Variants in COQ5 observed in about 807,000 individuals in gnomAD.
The protein encoded by COQ5 is 2-methoxy-6-polyprenyl-1,4-benzoquinol methylase, mitochondrial.
A neutral mutation model predicts 40.5 loss-of-function variants in COQ5; 27 were observed. The ratio of observed to expected loss-of-function variants is 0.67; its 90% CI spans 0.49 to 0.92. The LOEUF (loss-of-function observed/expected upper bound fraction) is 0.92, where lower values mean the gene tolerates loss of function less well. Ranked by LOEUF, COQ5 falls within the 40% of genes least tolerant of loss-of-function variation. The pLI, the probability that COQ5 is intolerant of heterozygous loss-of-function variation, is 0.00. For synonymous variants in COQ5, 141 were observed against 150.0 expected (o/e 0.94, Z 0.44); for missense variants, 409 against 406.4 (o/e 1.01, Z -0.06).
At position 120,503,757 on chromosome 12, in the gene COQ5, G is replaced by T; in HGVS notation, c.*27C>A. The T allele has an allele frequency of 6.5e-7, 1 of 1,533,786 alleles. No homozygotes were observed. The highest frequency in any genetic ancestry group is 9.0e-7 in the Non-Finnish European group (1 of 1,106,996). On this transcript the variant is annotated 3_prime_UTR_variant, in exon 7 of 7. Coordinates refer to ENST00000288532, the MANE Select transcript of COQ5 (RefSeq NM_032314.4). ...TCCAGGCTTTCAACAGGATATGACTGGTTCATGCTCCATGATAGGAAAGGA... is the reference window on the plus strand; with the variant it reads ...TCCAGGCTTTCAACAGGATATGACTTGTTCATGCTCCATGATAGGAAAGGA...
At chr12:120,524,786 C>A (rs1311075194) in intron 1 of COQ5, among the ~76,000 whole-genome samples, 8 of 152,018 alleles carry the variant, frequency 5.3e-5, no homozygotes, top group African/African-American at 1.2e-4. Context: ...CTATTCTCAA[C>A]CTTCGGATTT....
chr12:120,512,786 G>A (rs1445789338), intron 3 of COQ5, among the ~76,000 whole-genome samples: 5 of 152,134 alleles, frequency 3.3e-5, no homozygotes, highest in Non-Finnish European at 7.4e-5. Flanking sequence ...GGCCAGGTGC[G>A]ATAGCCCACA....
intron 3 of COQ5, among the ~76,000 whole-genome samples, chr12:120,511,546 G>A (rs150987045): frequency 6.6e-6 from 1 of 152,126 alleles, no homozygotes; most frequent in Non-Finnish European, 1.5e-5. Flanking sequence ...AGAGACTCAG[G>A]AGGCTGAGGT....
At chr12:120,526,534 C>T (rs1011957987) in intron 1 of COQ5, 21 of 452,162 alleles carry the variant, frequency 4.6e-5, no homozygotes, top group Non-Finnish European at 8.9e-5. Flanking sequence ...AAAACTTTCA[C>T]ATTAAAGGAG....
chr12:120,510,522 C>T (rs1179635817), intron 3 of COQ5, among the ~76,000 whole-genome samples: 1 of 152,096 alleles, frequency 6.6e-6, no homozygotes, highest in East Asian at 1.9e-4. Context: ...TCATCTTGCC[C>T]AGGCTGGTCT....
intron 1 of COQ5, among the ~76,000 whole-genome samples, chr12:120,528,543 G>A (rs1031000592): frequency 6.6e-6 from 1 of 152,160 alleles, no homozygotes; most frequent in Non-Finnish European, 1.5e-5. Context: ...GGGCGCGGTG[G>A]CTCACGCCTG....
intron 1 of COQ5, among the ~76,000 whole-genome samples, chr12:120,524,644 A>G (rs1344499711): frequency 6.6e-6 from 1 of 152,164 alleles, no homozygotes; most frequent in Non-Finnish European, 1.5e-5. Flanking sequence ...TCTCCCTGCC[A>G]GAAGGCTGAA....
At chr12:120,508,753 T>TGGTG (rs1351393088) in intron 4 of COQ5, among the ~76,000 whole-genome samples, 1 of 151,988 alleles carries the variant, frequency 6.6e-6, no homozygotes, top group African/African-American at 2.4e-5. Flanking sequence ...TCCCCAGGCG[T>TGGTG]GGTGGCTCAC....
chr12:120,514,595 T>G (rs1869293364), intron 3 of COQ5, among the ~76,000 whole-genome samples: 1 of 151,508 alleles, frequency 6.6e-6, no homozygotes. Context: ...ACAAAAAAAT[T>G]AGCCGGGTAT....
At chr12:120,528,538 C>T (rs1870072100) in intron 1 of COQ5, among the ~76,000 whole-genome samples, 1 of 152,028 alleles carries the variant, frequency 6.6e-6, no homozygotes, top group Non-Finnish European at 1.5e-5. Context: ...TGGCTGGGCG[C>T]GGTGGCTCAC....
intron 5 of COQ5, 40 bp from the exon 6 acceptor site, chr12:120,504,121 G>T: frequency 1.7e-6 from 2 of 1,190,942 alleles, no homozygotes; most frequent in Non-Finnish European, 2.5e-6. Context: ...ATTAGAACAT[G>T]CCCCTCACTT....
intron 4 of COQ5, among the ~76,000 whole-genome samples, chr12:120,507,576 G>A (rs1007763708): frequency 4.8e-5 from 7 of 144,656 alleles, no homozygotes; most frequent in African/African-American, 7.5e-5. Context: ...GAGCCACCAC[G>A]CCCGGCCTCT....
intron 4 of COQ5, 156 bp downstream of exon 4, chr12:120,509,861 G>GGACT: frequency 1.5e-6 from 1 of 664,308 alleles, no homozygotes; most frequent in Non-Finnish European, 2.7e-6. Context: ...AGATGTGGAA[G>GGACT]GACTGCTTGA....
At chr12:120,525,438 G>T (rs868358431) in intron 1 of COQ5, among the ~76,000 whole-genome samples, 1 of 152,090 alleles carries the variant, frequency 6.6e-6, no homozygotes, top group Non-Finnish European at 1.5e-5. Flanking sequence ...GGGACACTAA[G>T]GCTAACCCCA....
intron 1 of COQ5, among the ~76,000 whole-genome samples, chr12:120,525,685 G>A (rs1869900930): frequency 6.6e-6 from 1 of 152,046 alleles, no homozygotes; most frequent in Admixed American, 6.6e-5. Context: ...AGAACTTTGG[G>A]AGGCTGAGGC....
chr12:120,525,937 T>A (rs10774554), intron 1 of COQ5, among the ~76,000 whole-genome samples: 4 of 151,862 alleles, frequency 2.6e-5, no homozygotes, highest in East Asian at 1.9e-4. Context: ...AAAAAATAAA[T>A]ATAAATAAAT....
intron 1 of COQ5, among the ~76,000 whole-genome samples, chr12:120,525,930 A>AAATG (rs1869919189): frequency 5.0e-5 from 1 of 20,182 alleles, no homozygotes; most frequent in African/African-American, 1.3e-4. Context: ...ATCTCCAAAA[A>AAATG]AATAAATATA....
rs145060344 is a variant in COQ5 at position 120,513,275 on chromosome 12, G to A, written c.575-3152C>T. On this transcript the variant is annotated intron_variant, in intron 3 of 6. Transcript: ENST00000288532. ...TCCCAGCACTTTGGGAGGCCGAGGC[G>A]GGCGGATCACAAGGTCAGGAGATCG... Among the ~76,000 whole-genome samples the A allele has an allele frequency of 2.4e-3, 352 of 149,640 alleles. 1 individual carries two copies. The highest frequency in any genetic ancestry group is 8.2e-3 in the African/African-American group (337 of 41,084).
In COQ5 at chr12:120,522,502, C is replaced by A. The variant is rs1175691449; in HGVS notation, c.203-139G>T. The A allele has an allele frequency of 5.2e-6, 4 of 767,952 alleles. No individual in the cohort carries two copies. In the African/African-American group the frequency reaches 7.0e-5, roughly 13 times the overall value. 47.6% of individuals were successfully genotyped at this position (767,952 alleles called of 1,614,324 possible). On this transcript the variant is annotated intron_variant, in intron 1 of 6. Coordinates refer to ENST00000288532, the MANE Select transcript of COQ5 (RefSeq NM_032314.4). The stretch of plus-strand genomic sequence containing the variant: ...AAACTAAGTCGTAATGCTTGATGCC[C>A]AAATCTACACCTTAACATTACCTCT...
Sources: gnomAD v4.1 joint callset for allele counts (sites outside exome capture counted in the v4.1 genomes callset) on GRCh38, gnomAD v4.1.1 for gene constraint, MANE v1.5 for transcripts, NCBI Gene and HGNC (gene_info 2026-07-23, HGNC 2026-07-21) for gene names.